The following COPRS variants were observed in gnomAD, a reference collection of about 807,000 sequenced individuals.
The protein encoded by COPRS is coordinator of PRMT5 and differentiation stimulator.
Under a neutral mutation model 19.9 loss-of-function variants are expected in COPRS, and 11 were observed. The ratio of observed to expected loss-of-function variants is 0.55; its 90% CI spans 0.35 to 0.92. The LOEUF is 0.92. Ranked by LOEUF, COPRS falls within the 40% of genes least tolerant of loss-of-function variation. The pLI is 0.01. For synonymous variants in COPRS, 81 were observed against 82.7 expected (o/e 0.98, Z 0.11); for missense variants, 225 against 229.9 (o/e 0.98, Z 0.14).
At chr17:31,854,301 T>C (rs1258048489) in intron 2 of COPRS, among the ~76,000 whole-genome samples, 1 of 118,124 alleles carries the variant, frequency 8.5e-6, no homozygotes, top group East Asian at 2.6e-4. Flanking sequence ...ACCTGGGAGG[T>C]GGAGGCTGCA....
chr17:31,858,615 G>T, intron 1 of COPRS: 1 of 1,033,570 alleles, frequency 9.7e-7, no homozygotes, highest in Non-Finnish European at 1.5e-6. Flanking sequence ...GAAACCCTGC[G>T]TCAAACAGGG....
chr17:31,851,949 T>C lies in COPRS; in HGVS notation c.*190A>G, dbSNP rs1909176673. 1.7e-6 allele frequency: 1 copy of C among 586,482 alleles called. No homozygotes were observed. The highest frequency in any genetic ancestry group is 2.1e-5 in the South Asian group (1 of 48,660). The allele number at this position is 586,482 out of a possible 1,614,324, so 36.3% of individuals were successfully genotyped here. Reference sequence around the variant, plus strand: ...CACACACATTTCAAGGAGGAGCCCATTAAGAACAACAACAGACTGGCGAGA... The same window carrying C: ...CACACACATTTCAAGGAGGAGCCCACTAAGAACAACAACAGACTGGCGAGA... On this transcript the variant is annotated 3_prime_UTR_variant, in exon 4 of 4. Coordinates refer to ENST00000302362, the MANE Select transcript of COPRS (RefSeq NM_018405.4).
At chr17:31,859,010 C>A in intron 1 of COPRS, 91 bp downstream of exon 1, 1 of 1,221,636 alleles carries the variant, frequency 8.2e-7, no homozygotes, top group Non-Finnish European at 1.0e-6. Context: ...AGGCGCTTCC[C>A]CGGCCCCGCG....
At position 31,853,039 on chromosome 17, in the gene COPRS, A is replaced by G; in HGVS notation, c.167-9T>C. On this transcript the variant is annotated splice_polypyrimidine_tract_variant and intron_variant, in intron 2 of 3. Transcript: ENST00000302362. ...GCTCTGTGTTCCACGGGCTAAATTGACAAAGAGAAGATGGCCTTAGTGACA... is the reference window on the plus strand; with the variant it reads ...GCTCTGTGTTCCACGGGCTAAATTGGCAAAGAGAAGATGGCCTTAGTGACA... 1 of 1,606,992 alleles carries G rather than the reference A, an allele frequency of 6.2e-7. No individual in the cohort carries two copies. Among genetic ancestry groups the G allele is most frequent in the African/African-American group, 1.3e-5 (1 of 74,846 alleles).
chr17:31,858,740 TCTC>T (rs1401856001), intron 1 of COPRS: 2 of 1,549,768 alleles, frequency 1.3e-6, no homozygotes, highest in Admixed American at 3.9e-5. Context: ...GTCAAGTCCC[TCTC>T]CTCGCCGCCC....
intron 3 of COPRS, 87 bp from the exon 4 acceptor site, chr17:31,852,395 G>C: frequency 2.0e-6 from 2 of 983,942 alleles, no homozygotes; most frequent in Non-Finnish European, 3.1e-6. Context: ...GTATGTCTAG[G>C]GGACAGATCC....
Position 31,859,089 on chromosome 17 carries a change from C to T in COPRS, c.99+12G>A. 1 of 1,124,656 alleles carries T rather than the reference C, an allele frequency of 8.9e-7. No homozygotes were observed. The highest frequency in any genetic ancestry group is 3.7e-5 in the South Asian group (1 of 26,782). The allele number at this position is 1,124,656 out of a possible 1,614,324, so 69.7% of individuals were successfully genotyped here. A position where few individuals can be genotyped will look rare whatever the true frequency, so the allele number is the denominator to read the frequency against. On this transcript the variant is annotated intron_variant, in intron 1 of 3. Coordinates refer to ENST00000302362, the MANE Select transcript of COPRS (RefSeq NM_018405.4). ...GGCTGGCTGTTGCTCCTGGCCCCCA[C>T]GCGGCGCTCACCTCCGGGCTGGGGG...
intron 2 of COPRS, among the ~76,000 whole-genome samples, chr17:31,853,745 G>A (rs1453906807): frequency 6.6e-6 from 1 of 152,160 alleles, no homozygotes; most frequent in African/African-American, 2.4e-5. Context: ...CAGGGACAAA[G>A]GGGAGCAGGG....
In COPRS at chr17:31,852,061, A is replaced by G. The variant is rs1909180427; in HGVS notation, c.*78T>C. On this transcript the variant is annotated 3_prime_UTR_variant, in exon 4 of 4. Coordinates refer to ENST00000302362, the MANE Select transcript of COPRS (RefSeq NM_018405.4). ...GGTCACTGCAAACATTTTCTCAGATATGACTTTTCACCTCCAAGACAGGAA... is the reference window on the plus strand; with the variant it reads ...GGTCACTGCAAACATTTTCTCAGATGTGACTTTTCACCTCCAAGACAGGAA... The G allele has an allele frequency of 1.3e-6, 2 of 1,559,438 alleles. No individual in the cohort carries two copies. Among genetic ancestry groups the G allele is most frequent in the South Asian group, 2.3e-5 (2 of 88,202 alleles).
intron 2 of COPRS, among the ~76,000 whole-genome samples, chr17:31,856,343 A>C (rs1909351114): frequency 6.6e-6 from 1 of 152,186 alleles, no homozygotes; most frequent in South Asian, 2.1e-4. Flanking sequence ...CAAAAAAAAA[A>C]GATATTTTGA....
chr17:31,858,872 C>T, intron 1 of COPRS: 2 of 1,541,694 alleles, frequency 1.3e-6, no homozygotes, highest in Non-Finnish European at 1.7e-6. Context: ...TCTGCTGACC[C>T]AGAGCGCCCA....
intron 3 of COPRS, 71 bp from the exon 4 acceptor site, chr17:31,852,379 A>C: frequency 1.6e-6 from 2 of 1,232,146 alleles, no homozygotes; most frequent in South Asian, 2.8e-5. Flanking sequence ...ACGGACAGCC[A>C]AAAAGGTATG....
intron 2 of COPRS, among the ~76,000 whole-genome samples, chr17:31,856,227 C>T (rs373473814): frequency 2.0e-5 from 3 of 149,908 alleles, no homozygotes; most frequent in South Asian, 2.1e-4. Context: ...TCCAGCTACT[C>T]GGGAGGCTGA....
At chr17:31,853,055 C>T (rs1327002499) in intron 2 of COPRS, 25 bp from the exon 3 acceptor site, 3 of 1,570,754 alleles carry the variant, frequency 1.9e-6, no homozygotes, top group Middle Eastern at 1.7e-4. Flanking sequence ...AGAAGATGGC[C>T]TTAGTGACAA....
chr17:31,856,652 T>G (rs1191720513), intron 2 of COPRS, 147 bp downstream of exon 2: 2 of 711,262 alleles, frequency 2.8e-6, no homozygotes, highest in East Asian at 5.2e-5. Context: ...AAGCAAGGCT[T>G]CCAAAGGAGG....
In COPRS at chr17:31,852,261, C is replaced by A; in HGVS notation, c.433G>T (p.Val145Leu). Residue 145 changes from valine to leucine, a missense_variant, in exon 4 of 4, where the codon GTG becomes TTG. Around this residue, in one of 3 missense-constraint regions of COPRS, gnomAD observed 170 missense variants for 171.4 expected, o/e 0.99. Coordinates refer to ENST00000302362, the MANE Select transcript of COPRS (RefSeq NM_018405.4). ...ATGTCTCCTTGTGGGGCACAGCACA[C>A]CCAAGGTTTAAGCTCTTGAGAAATG... is the stretch of plus-strand genomic sequence containing the variant. ...ESISQELKPW[V>L]CCAPQGDMIY... The A allele has an allele frequency of 1.2e-6, 2 of 1,613,936 alleles. No homozygotes were observed. The highest frequency in any genetic ancestry group is 8.5e-7 in the Non-Finnish European group (1 of 1,179,962).
At chr17:31,852,441 C>T (rs899816812) in intron 3 of COPRS, 133 bp from the exon 4 acceptor site, 2 of 667,952 alleles carry the variant, frequency 3.0e-6, no homozygotes, top group African/African-American at 1.8e-5. Context: ...ACACAGTTCT[C>T]CTTTCCTGAA....
intron 2 of COPRS, 70 bp from the exon 3 acceptor site, chr17:31,853,100 T>G: frequency 8.5e-7 from 1 of 1,182,614 alleles, no homozygotes; most frequent in Non-Finnish European, 1.3e-6. Flanking sequence ...CAGTAAATTT[T>G]GGGCAGACTT....
Position 31,852,872 on chromosome 17 carries a change from C to G in COPRS, c.325G>C (p.Gly109Arg). The change falls in exon 3 of 4, where the codon GGC becomes CGC. Residue 109 changes from glycine to arginine, a missense_variant. This residue lies in a region of COPRS where 170 missense variants were observed against 171.4 expected (regional missense o/e 0.99). Transcript: ENST00000302362. ...GTNCPPKEQP[G>R]DLFNEDWDSE... ...TCCCAGTCCTCATTAAAAAGATCGC[C>G]AGGCTGTTCCTTGGGTGGACAGTTT... The G allele has an allele frequency of 1.9e-6, 3 of 1,614,216 alleles. No homozygotes were observed. The highest frequency in any genetic ancestry group is 2.5e-6 in the Non-Finnish European group (3 of 1,180,032).
Sources: allele counts gnomAD v4.1 joint callset (sites outside exome capture counted in the v4.1 genomes callset), GRCh38; gene constraint gnomAD v4.1.1; regional missense constraint gnomAD v4.1.1; transcripts MANE v1.5; gene names NCBI Gene and HGNC (gene_info 2026-07-23, HGNC 2026-07-21).